Variants in TMOD2 observed in about 807,000 individuals in gnomAD.
TMOD2 encodes tropomodulin-2.
Under a neutral mutation model 39.9 loss-of-function variants are expected in TMOD2, and 22 were observed. The observed-to-expected ratio is 0.55, with a 90% CI of 0.39 to 0.79. The LOEUF (loss-of-function observed/expected upper bound fraction) is 0.79. Ranked by LOEUF, TMOD2 falls within the 30% of genes least tolerant of loss-of-function variation. The pLI, the probability that TMOD2 is intolerant of heterozygous loss-of-function variation, is 0.00. For missense variants in TMOD2, 386 were observed against 413.3 expected, an observed-to-expected ratio of 0.93 and a Z score of 0.57; for synonymous variants, 123 against 146.1, an observed-to-expected ratio of 0.84 and a Z score of 1.14.
At chr15:51,777,525 A>G (rs1361345296) in intron 5 of TMOD2, among the ~76,000 whole-genome samples, 1 of 152,210 alleles carries the variant, frequency 6.6e-6, no homozygotes, top group East Asian at 1.9e-4. Context: ...TTACGTGCAC[A>G]GGACATTCCA....
chr15:51,755,105 C>G (rs2055733167), intron 1 of TMOD2, among the ~76,000 whole-genome samples: 1 of 152,218 alleles, frequency 6.6e-6, no homozygotes, highest in Non-Finnish European at 1.5e-5. Context: ...TATAAATTCT[C>G]CTGCTTAGTC....
chr15:51,766,683 C>T (rs956875556), intron 2 of TMOD2, 116 bp downstream of exon 2: 1 of 1,184,328 alleles, frequency 8.4e-7, no homozygotes, highest in Non-Finnish European at 1.2e-6. Context: ...TTCTTTTCTT[C>T]CTCTGATTGG....
At chr15:51,775,579 T>TC (rs1433528756) in intron 4 of TMOD2, among the ~76,000 whole-genome samples, 1 of 131,730 alleles carries the variant, frequency 7.6e-6, no homozygotes, top group African/African-American at 2.9e-5. Flanking sequence ...CCTTTTTTTT[T>TC]TTTTTTTTTT....
At chr15:51,780,440 T>C (rs1595869774) in intron 5 of TMOD2, among the ~76,000 whole-genome samples, 3 of 152,240 alleles carry the variant, frequency 2.0e-5, no homozygotes, top group African/African-American at 4.8e-5. Context: ...GAGCGTATTA[T>C]TGGTTCATTT....
Position 51,811,469 on chromosome 15 carries a change from A to G in TMOD2, c.*3015A>G, listed in dbSNP as rs1306265090. 6.6e-6 allele frequency: 1 copy of G among 152,164 alleles called. No homozygotes were observed. The highest frequency in any genetic ancestry group is 2.4e-5 in the African/African-American group (1 of 41,418). 9.4% of individuals were successfully genotyped at this position (152,164 alleles called of 1,614,324 possible). A position where few individuals can be genotyped will look rare whatever the true frequency, so the allele number is the denominator to read the frequency against. Reference sequence around the variant, plus strand: ...TCACCTGGACTTGTGGGCTTGTATCACCAACATCTATTATGGCACATGTAG... The same window carrying G: ...TCACCTGGACTTGTGGGCTTGTATCGCCAACATCTATTATGGCACATGTAG... On this transcript the variant is annotated 3_prime_UTR_variant, in exon 10 of 10. Transcript: ENST00000249700.
At chr15:51,787,404 T>G (rs2141631015) in intron 7 of TMOD2, among the ~76,000 whole-genome samples, 1 of 152,372 alleles carries the variant, frequency 6.6e-6, no homozygotes, top group South Asian at 2.1e-4. Context: ...CCTCTCTAGA[T>G]TCCACCTCTG....
At chr15:51,759,822 G>A (rs946394122) in intron 1 of TMOD2, among the ~76,000 whole-genome samples, 1 of 152,180 alleles carries the variant, frequency 6.6e-6, no homozygotes. Context: ...GAGGATTTAG[G>A]GAATCCAACA....
rs753787943 is a variant in TMOD2, at chr15:51,815,962, G to A, written c.*7508G>A. 5 of 152,180 alleles carry A rather than the reference G, an allele frequency of 3.3e-5. No individual in the cohort carries two copies. The highest frequency in any genetic ancestry group is 7.4e-5 in the Non-Finnish European group (5 of 68,010). The allele number at this position is 152,180 out of a possible 1,614,324, so 9.4% of individuals were successfully genotyped here. A position where few individuals can be genotyped will look rare whatever the true frequency, so the allele number is the denominator to read the frequency against. On this transcript the variant is annotated 3_prime_UTR_variant, in exon 10 of 10. Transcript: ENST00000249700. ...TTGGCAACATTTATTGGGCTAAGCAGTTATTGAAAACTCCGCATAGTTTTA... is the reference window on the plus strand; with the variant it reads ...TTGGCAACATTTATTGGGCTAAGCAATTATTGAAAACTCCGCATAGTTTTA...
intron 3 of TMOD2, 86 bp downstream of exon 3, chr15:51,768,504 CTTTT>C: frequency 7.6e-7 from 1 of 1,320,260 alleles, no homozygotes; most frequent in Non-Finnish European, 1.0e-6. Flanking sequence ...AAGATTACCT[CTTTT>C]TATTTTATTG....
In TMOD2 at chr15:51,808,424, TAAG is replaced by T. The variant is rs1376474971; in HGVS notation, c.1031_1033del (p.Lys344del). Reference sequence around the variant, plus strand: ...GTTCCTTTCTTTCTTACCTAGTTCGTAAGAAGAGAGTTGAAGCAGACCGAAGGT... The same window carrying T: ...GTTCCTTTCTTTCTTACCTAGTTCGTAAGAGAGTTGAAGCAGACCGAAGGT... On this transcript the variant is annotated inframe_deletion, in exon 10 of 10. Transcript: ENST00000249700. 2 of 1,612,740 alleles carry T rather than the reference TAAG, an allele frequency of 1.2e-6. No individual in the cohort carries two copies. Among genetic ancestry groups the T allele is most frequent in the Non-Finnish European group, 1.7e-6 (2 of 1,179,294 alleles).
rs772288429 is a variant in TMOD2, at chr15:51,798,239, C to A, written c.775C>A (p.Leu259Ile). The A allele has an allele frequency of 1.2e-6, 2 of 1,613,734 alleles. No individual in the cohort carries two copies. Among genetic ancestry groups the A allele is most frequent in the Admixed American group, 3.3e-5 (2 of 59,946 alleles). Residue 259 changes from leucine (L) to isoleucine (I), a missense_variant, in exon 8 of 10, where the codon CTA becomes ATA. By Grantham distance (5) the Leu-to-Ile change is conservative. Coordinates refer to ENST00000249700, the MANE Select transcript of TMOD2 (RefSeq NM_014548.4). ...GAAAGTAAACAAGACCTTGACAAGT[C>A]TAAACATAGAATCCAATTTTATCAC... ...MLKVNKTLTSLNIESNFITGT... is the reference protein window; with the variant it reads ...MLKVNKTLTSINIESNFITGT...
chr15:51,774,286 T>A (rs1249405076), intron 4 of TMOD2, among the ~76,000 whole-genome samples: 2 of 152,132 alleles, frequency 1.3e-5, no homozygotes, highest in African/African-American at 2.4e-5. Flanking sequence ...TGATAATAAT[T>A]ATTATTATTT....
At chr15:51,786,047 CAT>C (rs1266180149) in intron 7 of TMOD2, among the ~76,000 whole-genome samples, 1 of 151,888 alleles carries the variant, frequency 6.6e-6, no homozygotes, top group African/African-American at 2.4e-5. Flanking sequence ...CGTATATATA[CAT>C]ATATATATTC....
At position 51,806,536 on chromosome 15, in the gene TMOD2, A is replaced by G; in HGVS notation, c.1021+15A>G. The stretch of plus-strand genomic sequence containing the variant: ...TAATGACCTGGGTAATTCAGCCATA[A>G]TATTTGCTGTTAACAATTAGAAGAG... On this transcript the variant is annotated intron_variant, in intron 9 of 9. Coordinates refer to ENST00000249700, the MANE Select transcript of TMOD2 (RefSeq NM_014548.4). 6.2e-7 allele frequency: 1 copy of G among 1,613,966 alleles called. No individual in the cohort carries two copies. The highest frequency in any genetic ancestry group is 8.5e-7 in the Non-Finnish European group (1 of 1,179,892).
intron 1 of TMOD2, among the ~76,000 whole-genome samples, chr15:51,755,191 G>A (rs2055733890): frequency 6.6e-6 from 1 of 152,156 alleles, no homozygotes; most frequent in Non-Finnish European, 1.5e-5. Flanking sequence ...AAGGCTTCGT[G>A]GTTGTGTAAA....
chr15:51,811,220 A>T lies in TMOD2; in HGVS notation c.*2766A>T, dbSNP rs919608615. Reference sequence around the variant, plus strand: ...ATCTCCCTCTCTGCCCAAAGTGTGGAAGTGGTAGCTCTTTCATGATCATGG... The same window carrying T: ...ATCTCCCTCTCTGCCCAAAGTGTGGTAGTGGTAGCTCTTTCATGATCATGG... On this transcript the variant is annotated 3_prime_UTR_variant, in exon 10 of 10. Coordinates refer to ENST00000249700, the MANE Select transcript of TMOD2 (RefSeq NM_014548.4). 1.3e-5 allele frequency: 2 copies of T among 152,214 alleles called. No individual in the cohort carries two copies. Among genetic ancestry groups the T allele is most frequent in the African/African-American group, 2.4e-5 (1 of 41,454 alleles). 9.4% of individuals were successfully genotyped at this position (152,214 alleles called of 1,614,324 possible). A position where few individuals can be genotyped will look rare whatever the true frequency, so the allele number is the denominator to read the frequency against.
chr15:51,751,667 G>C lies in TMOD2; in HGVS notation c.-115G>C. ...CCGGCCCCGCTCCACCGGGGCTGAC[G>C]GACTGACGGCCAGCACAGCCGGCTC... is the stretch of plus-strand genomic sequence containing the variant. On this transcript the variant is annotated 5_prime_UTR_variant, in exon 1 of 10. Coordinates refer to ENST00000249700, the MANE Select transcript of TMOD2 (RefSeq NM_014548.4). The C allele has an allele frequency of 1.2e-5, 2 of 166,050 alleles. No homozygotes were observed. The highest frequency in any genetic ancestry group is 4.0e-4 in the South Asian group (2 of 4,978). 10.3% of individuals were successfully genotyped at this position (166,050 alleles called of 1,614,324 possible).
chr15:51,760,366 C>G (rs1318606575), intron 1 of TMOD2, among the ~76,000 whole-genome samples: 1 of 152,204 alleles, frequency 6.6e-6, no homozygotes, highest in Admixed American at 6.5e-5. Context: ...CTGCCCACAT[C>G]CCTTGGCTCA....
chr15:51,764,416 G>A (rs149496705), intron 1 of TMOD2, among the ~76,000 whole-genome samples: 28 of 152,310 alleles, frequency 1.8e-4, no homozygotes, highest in East Asian at 3.9e-4. Flanking sequence ...ATTGTGAGCC[G>A]TTGAATTCAC....
Sources: gnomAD v4.1 joint callset for allele counts (sites outside exome capture counted in the v4.1 genomes callset) on GRCh38, gnomAD v4.1.1 for gene constraint, MANE v1.5 for transcripts, NCBI Gene and HGNC (gene_info 2026-07-23, HGNC 2026-07-21) for gene names.